The following CHSY1 variants were observed in gnomAD, a reference collection of about 807,000 sequenced individuals.
CHSY1 encodes chondroitin sulfate synthase 1, also known as N-acetylgalactosaminyl-proteoglycan 3-beta-glucuronosyltransferase 1.
CHSY1 carries 13 observed loss-of-function variants against 59.8 expected under a neutral mutation model. The ratio of observed to expected loss-of-function variants is 0.22; its 90% CI spans 0.14 to 0.35. The LOEUF (loss-of-function observed/expected upper bound fraction) is 0.35, where lower values mean the gene tolerates loss of function less well. CHSY1 is among the 10% of genes least tolerant of loss of function. The pLI is 1.00. For synonymous variants in CHSY1, 459 were observed against 401.2 expected (o/e 1.14, Z -1.72); for missense variants, 947 against 1,030.6 (o/e 0.92, Z 1.11).
intron 2 of CHSY1, among the ~76,000 whole-genome samples, chr15:101,207,646 C>G (rs1297141664): frequency 6.6e-6 from 1 of 152,102 alleles, no homozygotes; most frequent in Non-Finnish European, 1.5e-5. Context: ...AATAAACACT[C>G]AAAGAAAATA....
At chr15:101,218,523 G>C (rs1180638223) in intron 2 of CHSY1, among the ~76,000 whole-genome samples, 1 of 152,238 alleles carries the variant, frequency 6.6e-6, no homozygotes, top group Admixed American at 6.5e-5. Flanking sequence ...TTGAATGCAG[G>C]AGAATCGCTT....
chr15:101,194,299 A>G (rs2038481683), intron 2 of CHSY1, among the ~76,000 whole-genome samples: 1 of 152,264 alleles, frequency 6.6e-6, no homozygotes, highest in Non-Finnish European at 1.5e-5. Context: ...GTCTCAACTA[A>G]TTAAATGTCT....
intron 1 of CHSY1, among the ~76,000 whole-genome samples, chr15:101,240,039 T>C (rs116171558): frequency 7.2e-5 from 11 of 152,318 alleles, no homozygotes; most frequent in African/African-American, 2.6e-4. Flanking sequence ...CCCTACAGTT[T>C]TATGGTAACT....
chr15:101,246,441 A>G (rs1355284429), intron 1 of CHSY1, among the ~76,000 whole-genome samples: 3 of 152,028 alleles, frequency 2.0e-5, no homozygotes, highest in East Asian at 1.9e-4. Context: ...AAGTGTAGCC[A>G]AGAAATGTTT....
At chr15:101,199,237 C>T (rs929839231) in intron 2 of CHSY1, among the ~76,000 whole-genome samples, 13 of 152,218 alleles carry the variant, frequency 8.5e-5, no homozygotes, top group Admixed American at 8.5e-4. Flanking sequence ...GGCGCAGTGG[C>T]TCATGCCTGT....
chr15:101,204,207 G>C (rs2038601431), intron 2 of CHSY1, among the ~76,000 whole-genome samples: 1 of 152,150 alleles, frequency 6.6e-6, no homozygotes, highest in Non-Finnish European at 1.5e-5. Flanking sequence ...GCCGAGGTGG[G>C]TGGATCAGCT....
intron 2 of CHSY1, among the ~76,000 whole-genome samples, chr15:101,234,161 C>T (rs8040150): frequency 0.34 from 51,447 of 152,106 alleles, 11,098 homozygotes; most frequent in African/African-American, 0.62. Context: ...GGACTTCCTT[C>T]GGCAAATTTC....
chr15:101,228,530 G>C (rs2038862992), intron 2 of CHSY1, among the ~76,000 whole-genome samples: 1 of 152,052 alleles, frequency 6.6e-6, no homozygotes, highest in African/African-American at 2.4e-5. Context: ...TTTCTTATCA[G>C]AAACCATGAA....
At chr15:101,214,136 G>A (rs139719314) in intron 2 of CHSY1, among the ~76,000 whole-genome samples, 1 of 152,180 alleles carries the variant, frequency 6.6e-6, no homozygotes, top group Non-Finnish European at 1.5e-5. Context: ...CTGTTTCTGT[G>A]CTGTGTACAG....
intron 2 of CHSY1, among the ~76,000 whole-genome samples, chr15:101,209,882 C>G (rs529892138): frequency 3.3e-5 from 5 of 152,300 alleles, no homozygotes; most frequent in African/African-American, 1.2e-4. Context: ...TGAATGACAA[C>G]TGAAATGGCA....
chr15:101,248,582 C>T (rs1185305133), intron 1 of CHSY1, among the ~76,000 whole-genome samples: 2 of 152,088 alleles, frequency 1.3e-5, no homozygotes, highest in African/African-American at 4.8e-5. Flanking sequence ...GGGAGAACCC[C>T]GCCTGGGGGC....
chr15:101,193,780 C>T (rs1230029717), intron 2 of CHSY1, among the ~76,000 whole-genome samples: 1 of 152,180 alleles, frequency 6.6e-6, no homozygotes, highest in South Asian at 2.1e-4. Flanking sequence ...GAGGAAGACA[C>T]GCTGGGGATA....
intron 1 of CHSY1, among the ~76,000 whole-genome samples, chr15:101,246,995 C>A (rs2039058479): frequency 6.6e-6 from 1 of 152,176 alleles, no homozygotes; most frequent in African/African-American, 2.4e-5. Flanking sequence ...AATCACAGTA[C>A]CATTTTAAAG....
At chr15:101,194,663 T>C (rs898041775) in intron 2 of CHSY1, among the ~76,000 whole-genome samples, 1 of 152,208 alleles carries the variant, frequency 6.6e-6, no homozygotes, top group Admixed American at 6.5e-5. Context: ...CAGAGCTTCC[T>C]ACTCCTCCTA....
chr15:101,226,266 G>A (rs577262498), intron 2 of CHSY1, among the ~76,000 whole-genome samples: 5 of 152,198 alleles, frequency 3.3e-5, no homozygotes, highest in African/African-American at 9.6e-5. Flanking sequence ...GATAGTTTCC[G>A]GTAGCCCTCA....
intron 2 of CHSY1, among the ~76,000 whole-genome samples, chr15:101,200,060 G>A (rs902031300): frequency 2.6e-4 from 39 of 152,216 alleles, no homozygotes; most frequent in African/African-American, 8.7e-4. Context: ...CTATATGCCC[G>A]GTACTGTGGC....
Position 101,178,561 on chromosome 15 carries a change from G to A in CHSY1, c.1236C>T (p.Val412=), listed in dbSNP as rs969897407. 1.9e-6 allele frequency: 3 copies of A among 1,614,190 alleles called. 1 individual carries two copies. The highest frequency in any genetic ancestry group is 2.5e-6 in the Non-Finnish European group (3 of 1,180,032). ...TGGCGTTGGCATTGATCATCTCCAT[G>A]ACCTGCATGACAATGTCGTCCAAGG... The part of the protein sequence containing the change: ...REALDDIVMQ[V]MEMINANAKT... The change falls in exon 3 of 3, where the codon GTC becomes GTT. Residue 412 remains valine (V), a synonymous_variant. Transcript: ENST00000254190.
intron 2 of CHSY1, among the ~76,000 whole-genome samples, chr15:101,218,151 A>C (rs560690423): frequency 2.0e-5 from 3 of 152,274 alleles, no homozygotes; most frequent in Non-Finnish European, 4.4e-5. Flanking sequence ...AAAACCGTCA[A>C]GATCATCAAA....
chr15:101,247,056 ATG>A (rs1013830699), intron 1 of CHSY1, among the ~76,000 whole-genome samples: 3 of 152,214 alleles, frequency 2.0e-5, no homozygotes, highest in African/African-American at 7.2e-5. Context: ...AAATTATTTT[ATG>A]TGTTAACTTA....
Sources: allele counts gnomAD v4.1 joint callset (sites outside exome capture counted in the v4.1 genomes callset), GRCh38; gene constraint gnomAD v4.1.1; transcripts MANE v1.5; gene names NCBI Gene and HGNC (gene_info 2026-07-23, HGNC 2026-07-21).